SPIDR: variants seen among roughly 807,000 people sequenced by gnomAD.
SPIDR encodes the protein scaffold protein involved in DNA repair.
SPIDR carries 93 observed loss-of-function variants against 104.6 expected under a neutral mutation model. That is an observed-to-expected ratio of 0.89 (90% CI 0.75 to 1.06). SPIDR has a LOEUF of 1.06. Ranked by LOEUF, SPIDR falls within the 50% of genes least tolerant of loss-of-function variation. SPIDR has a pLI of 0.00. For missense variants in SPIDR, 1,154 were observed against 1,111.2 expected (o/e 1.04, Z -0.55); for synonymous variants, 431 against 416.9 (o/e 1.03, Z -0.41).
intron 7 of SPIDR, among the ~76,000 whole-genome samples, chr8:47,423,175 G>C (rs1563932993): frequency 6.6e-6 from 1 of 151,898 alleles, no homozygotes; most frequent in Non-Finnish European, 1.5e-5. Context: ...GTGGGCTCCT[G>C]TAATCCCAGC....
chr8:47,501,499 C>T (rs1471776094), intron 8 of SPIDR, among the ~76,000 whole-genome samples: 2 of 152,156 alleles, frequency 1.3e-5, no homozygotes, highest in East Asian at 1.9e-4. Context: ...ATTTTGTATC[C>T]TGAGACTTTG....
Position 47,385,495 on chromosome 8 carries a change from AAG to A in SPIDR, c.526-10877_526-10876del, listed in dbSNP as rs551261603. 6.3e-4 allele frequency among the ~76,000 whole-genome samples: 96 copies of A among 152,348 alleles called. 1 individual carries two copies. In the East Asian group the frequency reaches 8.3e-3, roughly 13 times the overall value. ...GGACAGTTGAATGAATAGACCCTGT[AAG>A]AGAATTGATAGGTTAAAAGTATTTA... is the stretch of plus-strand genomic sequence containing the variant. On this transcript the variant is annotated intron_variant, in intron 5 of 19. Coordinates refer to ENST00000297423, the MANE Select transcript of SPIDR (RefSeq NM_001080394.4).
intron 10 of SPIDR, among the ~76,000 whole-genome samples, chr8:47,635,049 G>A (rs1453197919): frequency 3.3e-5 from 5 of 152,140 alleles, no homozygotes; most frequent in Admixed American, 3.3e-4. Context: ...TGTGGGTTGG[G>A]GGAAAGGGAG....
chr8:47,503,086 TGTG>T (rs2080817311), intron 8 of SPIDR, among the ~76,000 whole-genome samples: 1 of 152,142 alleles, frequency 6.6e-6, no homozygotes, highest in Non-Finnish European at 1.5e-5. Context: ...ATAGGTGTGT[TGTG>T]GTGCTGAAAA....
intron 5 of SPIDR, among the ~76,000 whole-genome samples, chr8:47,313,692 A>G (rs971959968): frequency 4.6e-5 from 7 of 152,230 alleles, no homozygotes; most frequent in Non-Finnish European, 7.3e-5. Flanking sequence ...CCAAAACTGC[A>G]TGGTACTGGT....
At chr8:47,721,117 C>T (rs2083335308) in intron 16 of SPIDR, among the ~76,000 whole-genome samples, 1 of 152,194 alleles carries the variant, frequency 6.6e-6, no homozygotes, top group Admixed American at 6.5e-5. Context: ...AATGAAGTCT[C>T]ACATCAGTTG....
intron 6 of SPIDR, among the ~76,000 whole-genome samples, chr8:47,406,693 CAT>C (rs1554667490): frequency 6.6e-6 from 1 of 152,104 alleles, no homozygotes; most frequent in African/African-American, 2.4e-5. Context: ...AAGTGAAAAA[CAT>C]AACAAAAACA....
intron 6 of SPIDR, among the ~76,000 whole-genome samples, chr8:47,402,745 C>T (rs1184746024): frequency 6.1e-4 from 92 of 152,016 alleles, no homozygotes; most frequent in South Asian, 4.1e-4. Context: ...CAGGACCAGA[C>T]GGATTCACAG....
chr8:47,428,292 C>T (rs900530170), intron 7 of SPIDR, among the ~76,000 whole-genome samples: 3 of 148,464 alleles, frequency 2.0e-5, no homozygotes, highest in Admixed American at 1.3e-4. Flanking sequence ...TGTGTAGATA[C>T]GTGGGTGTCT....
chr8:47,489,763 A>G (rs1337554720), intron 8 of SPIDR, among the ~76,000 whole-genome samples: 1 of 152,246 alleles, frequency 6.6e-6, no homozygotes, highest in Admixed American at 6.5e-5. Context: ...AGGATTCCCT[A>G]TTTAATAAAT....
At chr8:47,655,710 G>A (rs1438759843) in intron 10 of SPIDR, among the ~76,000 whole-genome samples, 3 of 152,112 alleles carry the variant, frequency 2.0e-5, no homozygotes, top group Admixed American at 6.5e-5. Context: ...CTTTTGCTGT[G>A]CAGAAGCTCT....
chr8:47,314,127 A>C (rs2044787935), intron 5 of SPIDR, among the ~76,000 whole-genome samples: 1 of 152,214 alleles, frequency 6.6e-6, no homozygotes, highest in Non-Finnish European at 1.5e-5. Context: ...ATAAAGGATG[A>C]GTCTAGGTTG....
intron 5 of SPIDR, among the ~76,000 whole-genome samples, chr8:47,335,287 T>C (rs1459070176): frequency 6.6e-6 from 1 of 152,224 alleles, no homozygotes; most frequent in Non-Finnish European, 1.5e-5. Context: ...TAATACTTCT[T>C]GCAAGGCAGT....
Position 47,735,639 on chromosome 8 carries a change from C to T in SPIDR, c.*189C>T, listed in dbSNP as rs1050158. 1 of 1,170,336 alleles carries T rather than the reference C, an allele frequency of 8.5e-7. No homozygotes were observed. Among genetic ancestry groups the T allele is most frequent in the Admixed American group, 3.0e-5 (1 of 33,508 alleles). 72.5% of individuals were successfully genotyped at this position (1,170,336 alleles called of 1,614,324 possible). ...GAACTGTAAATCAAAATACCTTTTT[C>T]TACAGTTTATCTTTTATTTTCTGCA... On this transcript the variant is annotated 3_prime_UTR_variant, in exon 20 of 20. Coordinates refer to ENST00000297423, the MANE Select transcript of SPIDR (RefSeq NM_001080394.4).
chr8:47,533,359 G>A (rs1488675038), intron 8 of SPIDR, among the ~76,000 whole-genome samples: 1 of 152,114 alleles, frequency 6.6e-6, no homozygotes, highest in Non-Finnish European at 1.5e-5. Context: ...CCTCGACATA[G>A]GAATGGGCAA....
intron 8 of SPIDR, among the ~76,000 whole-genome samples, chr8:47,456,545 CAT>C (rs550239419): frequency 9.5e-4 from 145 of 152,262 alleles, no homozygotes; most frequent in Non-Finnish European, 1.8e-3. Context: ...AATTAATAAA[CAT>C]GTGGAAATTA....
intron 5 of SPIDR, among the ~76,000 whole-genome samples, chr8:47,297,100 C>A (rs1214384074): frequency 6.6e-6 from 1 of 152,132 alleles, no homozygotes; most frequent in African/African-American, 2.4e-5. Flanking sequence ...GTTTATCAGA[C>A]TTAATGGTTT....
intron 5 of SPIDR, among the ~76,000 whole-genome samples, chr8:47,326,588 CTA>C (rs2047699622): frequency 6.6e-6 from 1 of 152,222 alleles, no homozygotes; most frequent in South Asian, 2.1e-4. Context: ...CAAGGAGACA[CTA>C]TACTATTAAG....
intron 5 of SPIDR, among the ~76,000 whole-genome samples, chr8:47,383,149 T>A (rs1208363418): frequency 6.6e-6 from 1 of 152,186 alleles, no homozygotes; most frequent in Non-Finnish European, 1.5e-5. Context: ...TTCTCCATGG[T>A]CTCTTTGCCA....
Sources: gnomAD v4.1 joint callset for allele counts (sites outside exome capture counted in the v4.1 genomes callset) on GRCh38, gnomAD v4.1.1 for gene constraint, MANE v1.5 for transcripts, NCBI Gene and HGNC (gene_info 2026-07-23, HGNC 2026-07-21) for gene names.